Variants in NPAS3 observed in about 807,000 individuals in gnomAD.
NPAS3 encodes neuronal PAS domain protein 3, also known as neuronal PAS domain-containing protein 3.
Under a neutral mutation model 73.1 loss-of-function variants are expected in NPAS3, and 14 were observed. The observed-to-expected ratio is 0.19, with a 90% CI of 0.13 to 0.30. The LOEUF is 0.30. Among genes scored for constraint, NPAS3 ranks in the 10% least tolerant of loss-of-function variants. The pLI, the probability that NPAS3 is intolerant of heterozygous loss-of-function variation, is 1.00. For missense variants in NPAS3, 1,096 were observed against 1,250.0 expected, an observed-to-expected ratio of 0.88 and a Z score of 1.86; for synonymous variants, 620 against 541.5, an observed-to-expected ratio of 1.14 and a Z score of -2.01.
chr14:33,409,726 A>G (rs188782189), intron 4 of NPAS3, among the ~76,000 whole-genome samples: 245 of 152,314 alleles, frequency 1.6e-3, no homozygotes, highest in African/African-American at 5.6e-3. Flanking sequence ...GCTTTCTTCA[A>G]TTGAATACTA....
chr14:33,780,593 T>G (rs1261437150), intron 9 of NPAS3: 5 of 449,934 alleles, frequency 1.1e-5, no homozygotes, highest in Non-Finnish European at 2.2e-5. Context: ...TTGGAAAACA[T>G]CATGCATCAT....
At chr14:33,195,852 T>C (rs958517039) in intron 2 of NPAS3, among the ~76,000 whole-genome samples, 7 of 152,208 alleles carry the variant, frequency 4.6e-5, no homozygotes, top group African/African-American at 1.4e-4. Flanking sequence ...TATTTACTTA[T>C]TGAAGGCTGA....
intron 6 of NPAS3, among the ~76,000 whole-genome samples, chr14:33,680,432 G>T (rs995483477): frequency 6.6e-6 from 1 of 152,082 alleles, no homozygotes; most frequent in Non-Finnish European, 1.5e-5. Flanking sequence ...TATGCACTAC[G>T]TACCCTCCTA....
intron 3 of NPAS3, among the ~76,000 whole-genome samples, chr14:33,233,504 TTACA>T (rs2047926194): frequency 6.6e-6 from 1 of 152,158 alleles, no homozygotes; most frequent in African/African-American, 2.4e-5. Context: ...CACCGTTTAG[TTACA>T]TACTGATCAT....
chr14:33,711,010 A>G (rs1181231096), intron 6 of NPAS3, among the ~76,000 whole-genome samples: 1 of 152,156 alleles, frequency 6.6e-6, no homozygotes, highest in Non-Finnish European at 1.5e-5. Context: ...TTTGCTTTAA[A>G]AGTTCTGCTG....
chr14:33,687,253 A>T (rs183597163), intron 6 of NPAS3, among the ~76,000 whole-genome samples: 1,528 of 152,252 alleles, frequency 0.01, 26 homozygotes, highest in African/African-American at 0.035. Context: ...AATATGGAAA[A>T]TTTTGAAAAT....
intron 5 of NPAS3, among the ~76,000 whole-genome samples, chr14:33,606,028 A>G (rs2057548979): frequency 6.6e-6 from 1 of 152,110 alleles, no homozygotes; most frequent in Non-Finnish European, 1.5e-5. Context: ...TGACAAGTAT[A>G]TCAAAGGAGC....
chr14:33,297,551 C>A (rs1269843294), intron 3 of NPAS3, among the ~76,000 whole-genome samples: 1 of 151,972 alleles, frequency 6.6e-6, no homozygotes, highest in Non-Finnish European at 1.5e-5. Context: ...AAAAATGTTG[C>A]TCAGTAGCCA....
intron 2 of NPAS3, among the ~76,000 whole-genome samples, chr14:33,197,264 T>TGTGTGTGTGTGTGTGC (rs2046397324): frequency 6.7e-6 from 1 of 149,984 alleles, no homozygotes; most frequent in Non-Finnish European, 1.5e-5. Flanking sequence ...TGTGTGTGTG[T>TGTGTGTGTGTGTGTGC]GTGTTCTTTT....
At chr14:33,450,201 A>G (rs1458640581) in intron 4 of NPAS3, among the ~76,000 whole-genome samples, 1 of 152,186 alleles carries the variant, frequency 6.6e-6, no homozygotes, top group East Asian at 1.9e-4. Context: ...TTTATGCAAC[A>G]TATACATTGT....
chr14:33,301,472 T>C (rs1481691616), intron 3 of NPAS3, among the ~76,000 whole-genome samples: 1 of 151,730 alleles, frequency 6.6e-6, no homozygotes, highest in Non-Finnish European at 1.5e-5. Context: ...AAAACTCAAA[T>C]TCTACTAGCC....
intron 4 of NPAS3, among the ~76,000 whole-genome samples, chr14:33,437,034 G>C (rs2049018673): frequency 6.6e-6 from 1 of 152,178 alleles, no homozygotes; most frequent in Non-Finnish European, 1.5e-5. Context: ...CCAATGAGAA[G>C]TAAAAACACA....
At chr14:32,976,123 G>C (rs967414666) in intron 1 of NPAS3, among the ~76,000 whole-genome samples, 2 of 152,104 alleles carry the variant, frequency 1.3e-5, no homozygotes, top group African/African-American at 2.4e-5. Context: ...TATTAAGTCG[G>C]GCAAGAGTGG....
At chr14:33,604,002 C>A (rs60126828) in intron 5 of NPAS3, among the ~76,000 whole-genome samples, 11,706 of 150,926 alleles carry the variant, frequency 0.078, 680 homozygotes, top group African/African-American at 0.15. Flanking sequence ...AATATGAGCC[C>A]TAAAACAACT....
intron 6 of NPAS3, among the ~76,000 whole-genome samples, chr14:33,722,503 T>A (rs990043799): frequency 1.3e-5 from 2 of 152,184 alleles, no homozygotes; most frequent in African/African-American, 4.8e-5. Flanking sequence ...AGTTCAGATA[T>A]GGAAATGATG....
chr14:33,577,568 G>A (rs1005796911), intron 5 of NPAS3, among the ~76,000 whole-genome samples: 2 of 152,110 alleles, frequency 1.3e-5, no homozygotes, highest in Non-Finnish European at 2.9e-5. Flanking sequence ...CCAGGAAGTG[G>A]TAAGCCAGGA....
chr14:33,315,053 T>A (rs897329532), intron 3 of NPAS3, among the ~76,000 whole-genome samples: 6 of 152,008 alleles, frequency 3.9e-5, no homozygotes, highest in African/African-American at 1.4e-4. Flanking sequence ...TCTGTGTAAA[T>A]ACTGTAGGGG....
At chr14:33,233,524 C>A (rs1193441775) in intron 3 of NPAS3, among the ~76,000 whole-genome samples, 1 of 151,988 alleles carries the variant, frequency 6.6e-6, no homozygotes, top group African/African-American at 2.4e-5. Flanking sequence ...ATCATTTATA[C>A]TGACAAAAAG....
rs994756091 is a variant in NPAS3 at position 33,335,723 on chromosome 14, G to A, written c.386-31463G>A. Among the ~76,000 whole-genome samples the A allele has an allele frequency of 3.3e-5, 5 of 152,212 alleles. No homozygotes were observed. In the East Asian group the frequency reaches 7.7e-4, roughly 24 times the overall value. ...GGACGTTTGAGTGGACCTTCTGGCT[G>A]TTAGTAATCTTATAATATGCCCCTT... On this transcript the variant is annotated intron_variant, in intron 3 of 11. Coordinates refer to ENST00000356141, the Ensembl canonical transcript of NPAS3.
Sources: allele counts gnomAD v4.1 joint callset (sites outside exome capture counted in the v4.1 genomes callset), GRCh38; gene constraint gnomAD v4.1.1; transcripts MANE v1.5; gene names NCBI Gene and HGNC (gene_info 2026-07-23, HGNC 2026-07-21).